Variants in ZBTB14 observed in about 807,000 individuals in gnomAD.
ZBTB14 encodes the protein zinc finger and BTB domain-containing protein 14.
A neutral mutation model predicts 29.5 loss-of-function variants in ZBTB14; 8 were observed. The observed-to-expected ratio is 0.27, with a 90% CI of 0.16 to 0.49. The LOEUF is 0.49. Among genes scored for constraint, ZBTB14 ranks in the 20% least tolerant of loss-of-function variants. ZBTB14 has a pLI of 0.99. For synonymous variants in ZBTB14, 226 were observed against 207.2 expected (o/e 1.09, Z -0.78); for missense variants, 333 against 563.8 (o/e 0.59, Z 4.15).
At chr18:5,296,975 C>T (rs903223277), upstream of ZBTB14, 1 of 152,118 alleles carries the variant, frequency 6.6e-6, no homozygotes, top group Non-Finnish European at 1.5e-5. Flanking sequence ...GCGTCGGGAG[C>T]TGGGAAGTCC....
rs2071787117 is a variant in ZBTB14, at chr18:5,290,538, C to T, written c.*320G>A. 2 of 283,620 alleles carry T rather than the reference C, an allele frequency of 7.1e-6. No individual in the cohort carries two copies. Among genetic ancestry groups the T allele is most frequent in the African/African-American group, 4.4e-5 (2 of 44,950 alleles). 17.6% of individuals were successfully genotyped at this position (283,620 alleles called of 1,614,324 possible). Reference sequence around the variant, plus strand: ...TGCTAGGGTGGTGAGTGTAAAGGAACTAAAAATGGAAGTCTCTCACTTCTA... The same window carrying T: ...TGCTAGGGTGGTGAGTGTAAAGGAATTAAAAATGGAAGTCTCTCACTTCTA... On this transcript the variant is annotated 3_prime_UTR_variant, in exon 4 of 4. Transcript: ENST00000651870.
chr18:5,293,264 A>G lies in ZBTB14; in HGVS notation c.-18T>C. The G allele has an allele frequency of 6.2e-7, 1 of 1,613,250 alleles. No individual in the cohort carries two copies. Among genetic ancestry groups the G allele is most frequent in the Non-Finnish European group, 8.5e-7 (1 of 1,179,642 alleles). The stretch of plus-strand genomic sequence containing the variant: ...GTTACCATGAACAACTCAGGCTATT[A>G]TCTTAATGCCTTGAACGCCAAAATC... On this transcript the variant is annotated 5_prime_UTR_variant, in exon 3 of 4. It removes the in-frame stop codon of an upstream open reading frame in the 5' UTR. Coordinates refer to ENST00000651870, the MANE Select transcript of ZBTB14 (RefSeq NM_001243702.2).
In ZBTB14 at chr18:5,291,533, G is replaced by C; in HGVS notation, c.675C>G (p.Thr225=). The change falls in exon 4 of 4, where the codon ACC becomes ACG. Residue 225 remains threonine, a synonymous_variant. Coordinates refer to ENST00000651870, the MANE Select transcript of ZBTB14 (RefSeq NM_001243702.2). The surrounding 1 kb of genome is among the most constrained non-coding windows in gnomAD (Gnocchi z 5.8). The part of the protein sequence containing the change: ...CYGQEVESME[T]PESKDLGSQT... ...GGGACCCCAAGTCTTTTGATTCTGG[G>C]GTCTCCATGGATTCTACTTCCTGGC... 1 of 1,613,956 alleles carries C rather than the reference G, an allele frequency of 6.2e-7. No homozygotes were observed. The highest frequency in any genetic ancestry group is 8.5e-7 in the Non-Finnish European group (1 of 1,180,002).
chr18:5,294,663 G>A (rs902151607), intron 1 of ZBTB14: 2 of 152,244 alleles, frequency 1.3e-5, no homozygotes, highest in Admixed American at 6.5e-5. Flanking sequence ...ATCTGTGTAG[G>A]CAGGTGTAGG....
chr18:5,290,693 T>A lies in ZBTB14; in HGVS notation c.*165A>T. On this transcript the variant is annotated 3_prime_UTR_variant, in exon 4 of 4. Coordinates refer to ENST00000651870, the MANE Select transcript of ZBTB14 (RefSeq NM_001243702.2). ...GTTTGGTCAGAACTGAGGAACACCA[T>A]TTCCTTGAAAAGTCTTAAAAATAGC... The A allele has an allele frequency of 9.2e-7, 1 of 1,085,076 alleles. No homozygotes were observed. Among genetic ancestry groups the A allele is most frequent in the East Asian group, 2.6e-5 (1 of 38,908 alleles). The allele number at this position is 1,085,076 out of a possible 1,614,324, so 67.2% of individuals were successfully genotyped here.
In ZBTB14 at chr18:5,289,997, A is replaced by C. The variant is rs554574950; in HGVS notation, c.*861T>G. ...TAAATAAAAATCCAATTTCAAAATC[A>C]ATTAAGATTTTAATCTAGGAAATCT... On this transcript the variant is annotated 3_prime_UTR_variant, in exon 4 of 4. Transcript: ENST00000651870. 3.3e-5 allele frequency: 5 copies of C among 152,348 alleles called. No individual in the cohort carries two copies. The highest frequency in any genetic ancestry group is 1.2e-4 in the African/African-American group (5 of 41,572). The allele number at this position is 152,348 out of a possible 1,614,324, so 9.4% of individuals were successfully genotyped here.
chr18:5,295,469 A>C (rs1211476334), intron 1 of ZBTB14, among the ~76,000 whole-genome samples, 183 bp downstream of exon 1: 7 of 141,252 alleles, frequency 5.0e-5, no homozygotes, highest in African/African-American at 1.8e-4. Flanking sequence ...CCCCACCCCC[A>C]CCGCGGTGCA....
upstream of ZBTB14, chr18:5,296,009 C>G (rs1424627146): frequency 6.6e-6 from 1 of 151,640 alleles, no homozygotes; most frequent in Non-Finnish European, 1.5e-5. Flanking sequence ...TCCTCCTGCA[C>G]GAGCACAGAA....
At chr18:5,294,968 C>A (rs899815596) in intron 1 of ZBTB14, 2 of 152,156 alleles carry the variant, frequency 1.3e-5, no homozygotes, top group Non-Finnish European at 2.9e-5. Context: ...TTTCTTTGGG[C>A]CTGGGAGGTG....
intron 2 of ZBTB14, 191 bp from the exon 3 acceptor site, chr18:5,293,518 G>T: frequency 2.7e-6 from 1 of 371,884 alleles, no homozygotes; most frequent in Non-Finnish European, 4.9e-6. Context: ...AACAGATAAG[G>T]GCTGTAGCAC....
At chr18:5,292,350 A>G in intron 3 of ZBTB14, 146 bp from the exon 4 acceptor site, 1 of 674,788 alleles carries the variant, frequency 1.5e-6, no homozygotes, top group Non-Finnish European at 2.3e-6. Context: ...ATGGGTAGAA[A>G]AGACTGATCC....
rs202216299 is a variant in ZBTB14 at position 5,290,873 on chromosome 18, C to T, written c.1335G>A (p.Thr445=). Residue 445 remains threonine, a synonymous_variant, in exon 4 of 4, where the codon ACG becomes ACA. Coordinates refer to ENST00000651870, the MANE Select transcript of ZBTB14 (RefSeq NM_001243702.2). ...CCCACCGCCTCTAGCTACAGGCTAT[C>T]GTCTCCAGCTGCTGTTCTGCTTCCG... ...MAAEAEQQLE[T]IACS The T allele has an allele frequency of 2.2e-5, 35 of 1,613,972 alleles. No homozygotes were observed. Among genetic ancestry groups the T allele is most frequent in the Admixed American group, 8.3e-5 (5 of 60,030 alleles).
upstream of ZBTB14, among the ~76,000 whole-genome samples, chr18:5,296,429 GAGC>G (rs1193921827): frequency 6.7e-6 from 1 of 149,312 alleles, no homozygotes; most frequent in Non-Finnish European, 1.5e-5. Context: ...GGGGACGCGG[GAGC>G]CAGCGCTCCC....
In ZBTB14 at chr18:5,292,207, A is replaced by G. The variant is rs1567907280; in HGVS notation, c.4-3T>C. ...TCAGACATACTGATGAAAAACTCCT[A>G]CAAAAAAAAAAAAAGTTTAGTAATT... is the stretch of plus-strand genomic sequence containing the variant. On this transcript the variant is annotated splice_polypyrimidine_tract_variant and splice_region_variant and intron_variant, in intron 3 of 3. Coordinates refer to ENST00000651870, the MANE Select transcript of ZBTB14 (RefSeq NM_001243702.2). The G allele has an allele frequency of 6.8e-7, 1 of 1,470,300 alleles. No individual in the cohort carries two copies. The highest frequency in any genetic ancestry group is 2.3e-5 in the East Asian group (1 of 42,694). The allele number at this position is 1,470,300 out of a possible 1,614,324, so 91.1% of individuals were successfully genotyped here. A position where few individuals can be genotyped will look rare whatever the true frequency, so the allele number is the denominator to read the frequency against.
upstream of ZBTB14, chr18:5,296,230 CGCGCGCACGCGCGCGGCTTGGG>C (rs1030996580): frequency 3.3e-5 from 5 of 149,716 alleles, no homozygotes; most frequent in Admixed American, 1.3e-4. Flanking sequence ...CCTGCGCACG[CGCGCGCACGCGCGCGGCTTGGG>C]GCGCGCGGAG....
intron 1 of ZBTB14, among the ~76,000 whole-genome samples, chr18:5,295,269 C>A (rs1245373673): frequency 1.2e-4 from 17 of 145,098 alleles, no homozygotes; most frequent in Admixed American, 6.8e-5. Flanking sequence ...CCGGGCCCTC[C>A]CCCGCCCTCC....
chr18:5,290,700 GAA>G lies in ZBTB14; in HGVS notation c.*156_*157del, dbSNP rs372238023. Reference sequence around the variant, plus strand: ...CAGAACTGAGGAACACCATTTCCTTGAAAAGTCTTAAAAATAGCTAACCAAGC... The same window carrying G: ...CAGAACTGAGGAACACCATTTCCTTGAAGTCTTAAAAATAGCTAACCAAGC... On this transcript the variant is annotated 3_prime_UTR_variant, in exon 4 of 4. Coordinates refer to ENST00000651870, the MANE Select transcript of ZBTB14 (RefSeq NM_001243702.2). 49 of 1,150,460 alleles carry G rather than the reference GAA, an allele frequency of 4.3e-5. 3 individuals are homozygous for G. The Admixed American group carries it at 4.3e-4, about 10-fold the overall frequency. 71.3% of individuals were successfully genotyped at this position (1,150,460 alleles called of 1,614,324 possible). A position where few individuals can be genotyped will look rare whatever the true frequency, so the allele number is the denominator to read the frequency against.
In ZBTB14 at chr18:5,291,161, CTTT is replaced by C. The variant is rs776255228; in HGVS notation, c.1044_1046del (p.Lys350del). On this transcript the variant is annotated inframe_deletion, in exon 4 of 4. Transcript: ENST00000651870. The surrounding 1 kb of genome is among the most constrained non-coding windows in gnomAD (Gnocchi z 5.8). ...CATTACTGTGAACTCTCTCATGCTT[CTTT>C]AAGTCTGGGGCACGGATAAATGATT... The C allele has an allele frequency of 2.5e-6, 4 of 1,614,246 alleles. No individual in the cohort carries two copies. Among genetic ancestry groups the C allele is most frequent in the Non-Finnish European group, 3.4e-6 (4 of 1,180,048 alleles).
In ZBTB14 at chr18:5,290,848, C is replaced by A; in HGVS notation, c.*10G>T. 6.2e-7 allele frequency: 1 copy of A among 1,609,492 alleles called. No homozygotes were observed. The highest frequency in any genetic ancestry group is 1.1e-5 in the South Asian group (1 of 90,492). ...CACTTTCCAGGCAAAGTGTCCCTGT[C>A]CCACCGCCTCTAGCTACAGGCTATC... On this transcript the variant is annotated 3_prime_UTR_variant, in exon 4 of 4. Transcript: ENST00000651870.
Sources: allele counts gnomAD v4.1 joint callset (sites outside exome capture counted in the v4.1 genomes callset), GRCh38; gene constraint gnomAD v4.1.1; non-coding constraint Gnocchi (gnomAD v3.1); transcripts MANE v1.5; gene names NCBI Gene and HGNC (gene_info 2026-07-23, HGNC 2026-07-21).